The following RTN1 variants were observed in gnomAD, a reference collection of about 807,000 sequenced individuals.
The protein encoded by RTN1 is reticulon-1.
In RTN1, 25 loss-of-function variants were observed where a neutral mutation model predicts 65.5. The ratio of observed to expected loss-of-function variants is 0.38; its 90% CI spans 0.28 to 0.53. The LOEUF (loss-of-function observed/expected upper bound fraction) is 0.53, where lower values mean the gene tolerates loss of function less well. RTN1 is among the 20% of genes least tolerant of loss of function. The pLI is 0.79. For synonymous variants in RTN1, 471 were observed against 447.6 expected (o/e 1.05, Z -0.66); for missense variants, 983 against 1,025.4 (o/e 0.96, Z 0.57).
chr14:59,838,449 C>A (rs1887252313), intron 1 of RTN1, among the ~76,000 whole-genome samples: 1 of 152,006 alleles, frequency 6.6e-6, no homozygotes, highest in South Asian at 2.1e-4. Context: ...TAATTTTTTT[C>A]AAATGGGAAA....
chr14:59,749,843 TTATATATATATCTA>T (rs1885400554), intron 1 of RTN1, among the ~76,000 whole-genome samples: 3 of 112,396 alleles, frequency 2.7e-5, no homozygotes, highest in Admixed American at 2.7e-4. Flanking sequence ...ATATGTATAT[TTATATATATATCTA>T]TATGTATATT....
At chr14:59,603,775 A>G in intron 6 of RTN1, 77 bp downstream of exon 6, 1 of 1,177,586 alleles carries the variant, frequency 8.5e-7, no homozygotes, top group Non-Finnish European at 1.2e-6. Context: ...TTAAACAAAC[A>G]AAAAGCTTAC....
At chr14:59,609,740 G>C (rs1294359590) in intron 3 of RTN1, among the ~76,000 whole-genome samples, 1 of 152,126 alleles carries the variant, frequency 6.6e-6, no homozygotes, top group Non-Finnish European at 1.5e-5. Context: ...GGAATTAAAA[G>C]GAAACTAAAG....
rs190461460 is a variant in RTN1 at position 59,727,631 on chromosome 14, G to A, written c.1053C>T (p.Ile351=). Reference sequence around the variant, plus strand: ...TGGCGGTGATCAGCTCATCCTCGGAGATGCTGCCTTTCCCCTGGGATTCTG... The same window carrying A: ...TGGCGGTGATCAGCTCATCCTCGGAAATGCTGCCTTTCCCCTGGGATTCTG... ...SAAESQGKGS[I]SEDELITAIK... is the part of the protein sequence containing the mutation. The change falls in exon 3 of 9, where the codon ATC becomes ATT. Residue 351 remains isoleucine, a synonymous_variant. Coordinates refer to ENST00000267484, the MANE Select transcript of RTN1 (RefSeq NM_021136.3). This position sits in a 1 kb window ranked among gnomAD's most constrained non-coding sequence, Gnocchi z 4.2. The A allele has an allele frequency of 8.7e-6, 14 of 1,610,300 alleles. No homozygotes were observed. The Admixed American group carries it at 2.2e-4, about 25-fold the overall frequency.
chr14:59,715,186 T>C (rs749929465), intron 3 of RTN1, among the ~76,000 whole-genome samples: 2 of 152,184 alleles, frequency 1.3e-5, no homozygotes, highest in Non-Finnish European at 2.9e-5. Flanking sequence ...TTCAGGTGAA[T>C]GACCTTATGT....
At chr14:59,703,018 G>C (rs1166947910) in intron 3 of RTN1, among the ~76,000 whole-genome samples, 1 of 152,040 alleles carries the variant, frequency 6.6e-6, no homozygotes, top group East Asian at 1.9e-4. Context: ...GCTTACCTAA[G>C]TTCTTTGCCT....
chr14:59,665,833 A>T (rs1212833780), intron 3 of RTN1, among the ~76,000 whole-genome samples: 1 of 152,202 alleles, frequency 6.6e-6, no homozygotes, highest in Admixed American at 6.5e-5. Flanking sequence ...AAAGATCAAA[A>T]GAGACAAAGA....
chr14:59,776,060 A>G (rs185728281), intron 1 of RTN1, among the ~76,000 whole-genome samples: 205 of 152,244 alleles, frequency 1.3e-3, no homozygotes, highest in Non-Finnish European at 2.3e-3. Context: ...ATTTTCTATC[A>G]CTTTTTACTC....
intron 3 of RTN1, among the ~76,000 whole-genome samples, chr14:59,648,921 TG>T (rs1882960233): frequency 6.6e-6 from 1 of 152,148 alleles, no homozygotes; most frequent in East Asian, 1.9e-4. Context: ...AACATAGTAT[TG>T]GATGTCCTGG....
intron 3 of RTN1, among the ~76,000 whole-genome samples, chr14:59,701,392 C>A (rs1348127145): frequency 6.6e-6 from 1 of 152,148 alleles, no homozygotes; most frequent in African/African-American, 2.4e-5. Flanking sequence ...CAGCATTATT[C>A]CTAATAGCTG....
chr14:59,864,175 A>G (rs1232564165), intron 1 of RTN1, among the ~76,000 whole-genome samples: 1 of 152,172 alleles, frequency 6.6e-6, no homozygotes, highest in African/African-American at 2.4e-5. Context: ...AGCTGTTACA[A>G]GGGCCTATAG....
At chr14:59,844,622 TAC>T (rs1427739242) in intron 1 of RTN1, among the ~76,000 whole-genome samples, 1 of 152,144 alleles carries the variant, frequency 6.6e-6, no homozygotes, top group African/African-American at 2.4e-5. Context: ...GTTTAATAGT[TAC>T]AGAGTGAGTT....
At chr14:59,615,759 G>T (rs1217622889) in intron 3 of RTN1, among the ~76,000 whole-genome samples, 2 of 152,026 alleles carry the variant, frequency 1.3e-5, no homozygotes, top group Non-Finnish European at 2.9e-5. Flanking sequence ...TAATAAAAAG[G>T]TCTTATTTTC....
Position 59,658,012 on chromosome 14 carries a change from G to A in RTN1, c.1766-50520C>T, listed in dbSNP as rs1240979873. On this transcript the variant is annotated intron_variant, in intron 3 of 8. Coordinates refer to ENST00000267484, the MANE Select transcript of RTN1 (RefSeq NM_021136.3). ...TTTCCTGGCTTGAAATTCTCATTGC[G>A]AGCACAGCAGTCTGAAGTCGACCTG... Among the ~76,000 whole-genome samples the A allele has an allele frequency of 5.9e-5, 9 of 152,176 alleles. 1 individual carries two copies. The highest frequency in any genetic ancestry group is 3.3e-4 in the Admixed American group (5 of 15,288).
At chr14:59,699,097 T>G in intron 3 of RTN1, among the ~76,000 whole-genome samples, 1 of 152,090 alleles carries the variant, frequency 6.6e-6, no homozygotes, top group Non-Finnish European at 1.5e-5. Flanking sequence ...GGAAACATAA[T>G]TTTGGTGGCT....
At chr14:59,672,378 A>G (rs542475632) in intron 3 of RTN1, among the ~76,000 whole-genome samples, 3 of 152,322 alleles carry the variant, frequency 2.0e-5, no homozygotes, top group African/African-American at 7.2e-5. Context: ...AAGCCAGTGC[A>G]GGATCTCAAA....
At chr14:59,739,613 A>T (rs2139498443) in intron 2 of RTN1, among the ~76,000 whole-genome samples, 1 of 152,066 alleles carries the variant, frequency 6.6e-6, no homozygotes, top group East Asian at 1.9e-4. Context: ...GCAATTGTTG[A>T]ATTATGACAA....
chr14:59,646,505 C>T (rs1052251883), intron 3 of RTN1, among the ~76,000 whole-genome samples: 10 of 152,086 alleles, frequency 6.6e-5, no homozygotes, highest in African/African-American at 2.4e-4. Context: ...CCAAGATACA[C>T]AATCAGACTT....
intron 3 of RTN1, among the ~76,000 whole-genome samples, chr14:59,625,072 T>C (rs1319406557): frequency 1.3e-5 from 2 of 152,156 alleles, no homozygotes; most frequent in Admixed American, 6.5e-5. Context: ...GATTATCATT[T>C]CAAATATAAG....
Sources: gnomAD v4.1 joint callset for allele counts (sites outside exome capture counted in the v4.1 genomes callset) on GRCh38, gnomAD v4.1.1 for gene constraint, Gnocchi (gnomAD v3.1) non-coding constraint, MANE v1.5 for transcripts, NCBI Gene and HGNC (gene_info 2026-07-23, HGNC 2026-07-21) for gene names.